The following NOL9 variants were observed in gnomAD, a reference collection of about 807,000 sequenced individuals.
The protein encoded by NOL9 is polynucleotide 5'-hydroxyl-kinase NOL9.
Under a neutral mutation model 67.9 loss-of-function variants are expected in NOL9, and 28 were observed. That is an observed-to-expected ratio of 0.41 (90% CI 0.31 to 0.57). The LOEUF (loss-of-function observed/expected upper bound fraction) is 0.57, where lower values mean the gene tolerates loss of function less well. NOL9 is among the 20% of genes least tolerant of loss of function. The pLI, the probability that NOL9 is intolerant of heterozygous loss-of-function variation, is 0.25. For missense variants in NOL9, 777 were observed against 897.0 expected (o/e 0.87, Z 1.71); for synonymous variants, 356 against 352.2 (o/e 1.01, Z -0.12).
In NOL9 at chr1:6,550,541, G is replaced by A; in HGVS notation, c.471C>T (p.Ser157=). ...AGATGTCTTGGGCAGGCTGGCCTTG[G>A]CTGATGGTAAAACCAAATACCTGCA... ...GQVQVFGFTI[S]QGQPAQDIFS... Residue 157 remains serine (S), a synonymous_variant, in exon 2 of 12, where the codon AGC becomes AGT. Coordinates refer to ENST00000377705, the MANE Select transcript of NOL9 (RefSeq NM_024654.5). 4 of 1,614,004 alleles carry A rather than the reference G, an allele frequency of 2.5e-6. 1 individual carries two copies. Among genetic ancestry groups the A allele is most frequent in the South Asian group, 2.2e-5 (2 of 91,076 alleles).
chr1:6,545,258 CAGTTGTGAGCCAG>C lies in NOL9; in HGVS notation c.745-91_745-79del, dbSNP rs1242344275. The C allele has an allele frequency of 2.2e-6, 3 of 1,375,178 alleles. No homozygotes were observed. In the African/African-American group the frequency reaches 4.3e-5, roughly 20 times the overall value. The allele number at this position is 1,375,178 out of a possible 1,614,324, so 85.2% of individuals were successfully genotyped here. The stretch of plus-strand genomic sequence containing the variant: ...AGTACTAAATTAATCAAGCCTCACA[CAGTTGTGAGCCAG>C]AGAAGATAAATTGTTTCCTCCCTTT... On this transcript the variant is annotated intron_variant, in intron 3 of 11. Transcript: ENST00000377705.
rs1166494500 is a variant in NOL9 at position 6,545,079 on chromosome 1, A to G, written c.846T>C (p.Leu282=). ...CATTGACTAACTCTTCCAGGGCTGA[A>G]AGGGTACTCTCAGTTAACTGAAGGC... ...RKGLQLTEST[L]SALEELVNVS... is the part of the protein sequence containing the mutation. Residue 282 remains leucine (L), a synonymous_variant, in exon 4 of 12, where the codon CTT becomes CTC. Transcript: ENST00000377705. 1 of 1,614,208 alleles carries G rather than the reference A, an allele frequency of 6.2e-7. No homozygotes were observed. Among genetic ancestry groups the G allele is most frequent in the East Asian group, 2.2e-5 (1 of 44,886 alleles).
Position 6,526,849 on chromosome 1 carries a change from C to A in NOL9, c.1826-20G>T. 1.3e-6 allele frequency: 2 copies of A among 1,555,560 alleles called. No individual in the cohort carries two copies. Among genetic ancestry groups the A allele is most frequent in the Admixed American group, 2.0e-5 (1 of 48,946 alleles). On this transcript the variant is annotated intron_variant, in intron 10 of 11. Coordinates refer to ENST00000377705, the MANE Select transcript of NOL9 (RefSeq NM_024654.5). ...AGATGCCTTCAAGACACGCGCACAA[C>A]ACAAAAATCACCCTTTTGGAAAACA...
At chr1:6,552,350 T>G (rs1049867099) in intron 1 of NOL9, among the ~76,000 whole-genome samples, 1 of 149,540 alleles carries the variant, frequency 6.7e-6, no homozygotes, top group Non-Finnish European at 1.5e-5. Context: ...TGTACCTGAA[T>G]TAGTTTGCTG....
chr1:6,533,473 T>A, intron 6 of NOL9, 32 bp from the exon 7 acceptor site: 1 of 1,513,194 alleles, frequency 6.6e-7, no homozygotes, highest in Non-Finnish European at 9.0e-7. Flanking sequence ...ATCAGATGAG[T>A]AAGGTGAGTG....
At position 6,551,317 on chromosome 1, in the gene NOL9, C is replaced by T. The variant is rs146426096; in HGVS notation, c.397-702G>A. ...GTATTGGGCCAGGCACGGTGGCTCA[C>T]GCCAGTAATCCCAGAACTCTGGGAG... On this transcript the variant is annotated intron_variant, in intron 1 of 11. Transcript: ENST00000377705. Among the ~76,000 whole-genome samples, 99 of 152,182 alleles carry T rather than the reference C, an allele frequency of 6.5e-4. 2 individuals are homozygous for T. Among genetic ancestry groups the T allele is most frequent in the African/African-American group, 2.2e-3 (93 of 41,536 alleles).
At chr1:6,534,870 C>T (rs6577579) in intron 6 of NOL9, among the ~76,000 whole-genome samples, 122,678 of 151,930 alleles carry the variant, frequency 0.81, 50,362 homozygotes, top group Non-Finnish European at 0.87. Context: ...GTGGCGCAAT[C>T]TCAGCTCACT....
Position 6,550,270 on chromosome 1 carries a change from AT to A in NOL9, c.616+125del, listed in dbSNP as rs1252605221. ...ATGGTCTCGATCTCCTGACCTCATG[AT>A]CCGCCCGCCTTGGCCTCCCAAAGTG... On this transcript the variant is annotated intron_variant, in intron 2 of 11. Coordinates refer to ENST00000377705, the MANE Select transcript of NOL9 (RefSeq NM_024654.5). 2.7e-5 allele frequency: 20 copies of A among 741,258 alleles called. No individual in the cohort carries two copies. The African/African-American group carries it at 3.1e-4, about 12-fold the overall frequency. The allele number at this position is 741,258 out of a possible 1,614,324, so 45.9% of individuals were successfully genotyped here.
intron 1 of NOL9, among the ~76,000 whole-genome samples, chr1:6,553,713 G>A (rs1472781832): frequency 6.6e-6 from 1 of 151,942 alleles, no homozygotes; most frequent in Non-Finnish European, 1.5e-5. Context: ...GAGGTGGCAC[G>A]CGCCTGTAGT....
intron 6 of NOL9, among the ~76,000 whole-genome samples, chr1:6,536,028 C>A (rs984787697): frequency 5.9e-5 from 9 of 152,074 alleles, no homozygotes; most frequent in Non-Finnish European, 1.0e-4. Context: ...TGAGACACTG[C>A]CTCTACAAAT....
rs756145094 is a variant in NOL9 at position 6,533,394 on chromosome 1, CA to C, written c.1122del (p.Tyr374Ter). 6.2e-7 allele frequency: 1 copy of C among 1,612,560 alleles called. No individual in the cohort carries two copies. Among genetic ancestry groups the C allele is most frequent in the South Asian group, 1.1e-5 (1 of 90,800 alleles). On this transcript the variant is annotated frameshift_variant, in exon 7 of 12. Transcript: ENST00000377705. LOFTEE classifies it high-confidence loss of function. Reference sequence around the variant, plus strand: ...TAGTTGTTTTTACAAGAAGGTTTCCCATAATATACCATCTTCTGTGGAGTCC... The same window carrying C: ...TAGTTGTTTTTACAAGAAGGTTTCCCTAATATACCATCTTCTGTGGAGTCC... ...HLRTPQKMVY[Y>X]GKPSCKNNYE...
In NOL9 at chr1:6,554,112, C is replaced by G. The variant is rs1292867780; in HGVS notation, c.391G>C (p.Glu131Gln). ...TACCGGCGCCCCCCACCTACCTGCT[C>G]GACCGGCAGCAGCAGCAACGCGCGG... ...PGRALLLLPVEQGFTFSGICR... is the reference protein window; with the variant it reads ...PGRALLLLPVQQGFTFSGICR... Residue 131 changes from glutamate to glutamine, a missense_variant, in exon 1 of 12, where the codon GAG becomes CAG. Physicochemically the swap from Glu to Gln is conservative, Grantham distance 29 (BLOSUM62 2). Transcript: ENST00000377705. 3.3e-6 allele frequency: 5 copies of G among 1,526,790 alleles called. No individual in the cohort carries two copies. In the African/African-American group the frequency reaches 5.7e-5, roughly 17 times the overall value. The allele number at this position is 1,526,790 out of a possible 1,614,324, so 94.6% of individuals were successfully genotyped here.
rs1438516166 is a variant in NOL9, at chr1:6,522,907, T to C, written c.*2947A>G. Reference sequence around the variant, plus strand: ...TCAAAAAAAAAAAAAAAAAAGAAATTGCTTCAGCACTTTGGGAGGCCGAGG... The same window carrying C: ...TCAAAAAAAAAAAAAAAAAAGAAATCGCTTCAGCACTTTGGGAGGCCGAGG... On this transcript the variant is annotated 3_prime_UTR_variant, in exon 12 of 12. Transcript: ENST00000377705. 1 of 60,176 alleles carries C rather than the reference T, an allele frequency of 1.7e-5. No homozygotes were observed. Among genetic ancestry groups the C allele is most frequent in the African/African-American group, 6.8e-5 (1 of 14,624 alleles). 3.7% of individuals were successfully genotyped at this position (60,176 alleles called of 1,614,324 possible).
In NOL9 at chr1:6,521,535, T is replaced by A. The variant is rs1410917854; in HGVS notation, c.*4319A>T. The A allele has an allele frequency of 6.6e-6, 1 of 152,182 alleles. No homozygotes were observed. Among genetic ancestry groups the A allele is most frequent in the Non-Finnish European group, 1.5e-5 (1 of 68,022 alleles). The allele number at this position is 152,182 out of a possible 1,614,324, so 9.4% of individuals were successfully genotyped here. Reference sequence around the variant, plus strand: ...TCATTTTCTACATGTGTAAGCTGCTTATAAAATTTTAAAAGCAACAAGTGG... The same window carrying A: ...TCATTTTCTACATGTGTAAGCTGCTAATAAAATTTTAAAAGCAACAAGTGG... On this transcript the variant is annotated 3_prime_UTR_variant, in exon 12 of 12. Transcript: ENST00000377705.
chr1:6,531,702 C>T lies in NOL9; in HGVS notation c.1647+266G>A, dbSNP rs567366206. Among the ~76,000 whole-genome samples, 5 of 152,300 alleles carry T rather than the reference C, an allele frequency of 3.3e-5. No individual in the cohort carries two copies. In the South Asian group the frequency reaches 1.0e-3, roughly 32 times the overall value. On this transcript the variant is annotated intron_variant, in intron 9 of 11. Coordinates refer to ENST00000377705, the MANE Select transcript of NOL9 (RefSeq NM_024654.5). ...CACGGACCCACACTTATCCTCAGTA[C>T]AGAACCATGGCTAAGAGCAGTCACT...
intron 6 of NOL9, among the ~76,000 whole-genome samples, chr1:6,539,309 G>A (rs970517879): frequency 2.0e-5 from 3 of 152,152 alleles, no homozygotes; most frequent in Non-Finnish European, 2.9e-5. Flanking sequence ...GTATACACCT[G>A]AAAGAACTGA....
intron 5 of NOL9, among the ~76,000 whole-genome samples, chr1:6,544,492 T>TGAGGGAAA (rs1467070262): frequency 1.3e-5 from 2 of 151,410 alleles, no homozygotes; most frequent in African/African-American, 4.9e-5. Context: ...CACTCCAGCC[T>TGAGGGAAA]GAGGGAAACC....
chr1:6,550,695 T>TTC, intron 1 of NOL9, 80 bp from the exon 2 acceptor site: 1 of 1,184,208 alleles, frequency 8.4e-7, no homozygotes, highest in Non-Finnish European at 1.2e-6. Context: ...TTTTTTTTTT[T>TTC]TTTTTGAGAT....
chr1:6,538,879 G>A (rs1204097678), intron 6 of NOL9, among the ~76,000 whole-genome samples: 2 of 152,154 alleles, frequency 1.3e-5, no homozygotes, highest in Non-Finnish European at 2.9e-5. Flanking sequence ...GGCTGAGGCA[G>A]GAGAACTGCT....
Sources: allele counts gnomAD v4.1 joint callset (sites outside exome capture counted in the v4.1 genomes callset), GRCh38; gene constraint gnomAD v4.1.1; transcripts MANE v1.5; gene names NCBI Gene and HGNC (gene_info 2026-07-23, HGNC 2026-07-21).